Variants in TBC1D20 observed in about 807,000 individuals in gnomAD.
The protein encoded by TBC1D20 is chromosome 20 open reading frame 140.
TBC1D20 carries 12 observed loss-of-function variants against 41.6 expected under a neutral mutation model. The ratio of observed to expected loss-of-function variants is 0.29; its 90% CI spans 0.18 to 0.47. TBC1D20 has a LOEUF of 0.47. Ranked by LOEUF, TBC1D20 falls within the 20% of genes least tolerant of loss-of-function variation. The pLI is 1.00. For synonymous variants in TBC1D20, 205 were observed against 204.8 expected (o/e 1.00, Z -0.01); for missense variants, 421 against 517.4 (o/e 0.81, Z 1.81).
chr20:441,575 G>A lies in TBC1D20; in HGVS notation c.626+13C>T, dbSNP rs375956278. On this transcript the variant is annotated intron_variant, in intron 5 of 7. Transcript: ENST00000354200. ...GTGTATGCATGCACACAGAAATGCAGACACATATGTACCTCTGCATGAAGT... is the reference window on the plus strand; with the variant it reads ...GTGTATGCATGCACACAGAAATGCAAACACATATGTACCTCTGCATGAAGT... 1 of 1,607,314 alleles carries A rather than the reference G, an allele frequency of 6.2e-7. No homozygotes were observed. The highest frequency in any genetic ancestry group is 8.5e-7 in the Non-Finnish European group (1 of 1,174,016).
intron 1 of TBC1D20, among the ~76,000 whole-genome samples, chr20:453,712 A>G (rs1211159863): frequency 7.3e-6 from 1 of 136,980 alleles, no homozygotes; most frequent in Non-Finnish European, 1.6e-5. Flanking sequence ...TGCCTGGCTA[A>G]TTTTTTTTTT....
chr20:447,600 G>A (rs1264308303), intron 2 of TBC1D20, among the ~76,000 whole-genome samples: 3 of 152,166 alleles, frequency 2.0e-5, no homozygotes, highest in African/African-American at 7.2e-5. Context: ...AGAGGTTGCA[G>A]TGAGCTGAGA....
In TBC1D20 at chr20:435,505, A is replaced by G. The variant is rs6695; in HGVS notation, c.*3081T>C. The stretch of plus-strand genomic sequence containing the variant: ...TTATGTTTACCAGTTTATTACAAAC[A>G]TTATTAGAAAAGGATACAAATAAGT... On this transcript the variant is annotated 3_prime_UTR_variant, in exon 8 of 8. Coordinates refer to ENST00000354200, the MANE Select transcript of TBC1D20 (RefSeq NM_144628.4). 112,367 of 153,596 alleles carry G rather than the reference A, an allele frequency of 0.73. 41,394 individuals carry two copies. Among genetic ancestry groups the G allele is most frequent in the Non-Finnish European group, 0.77 (52,516 of 68,024 alleles). The allele number at this position is 153,596 out of a possible 1,614,324, so 9.5% of individuals were successfully genotyped here. A position where few individuals can be genotyped will look rare whatever the true frequency, so the allele number is the denominator to read the frequency against.
chr20:457,348 G>A (rs184339422), intron 1 of TBC1D20, among the ~76,000 whole-genome samples: 26 of 152,218 alleles, frequency 1.7e-4, no homozygotes, highest in East Asian at 5.8e-4. Context: ...GGGCTCAAGC[G>A]ATCCTTCCAC....
At chr20:442,814 T>A (rs559649158) in intron 3 of TBC1D20, among the ~76,000 whole-genome samples, 1 of 152,162 alleles carries the variant, frequency 6.6e-6, no homozygotes, top group South Asian at 2.1e-4. Flanking sequence ...AAAGCAAATG[T>A]AGGCCAGGCG....
chr20:459,140 C>T (rs1383128515), intron 1 of TBC1D20, among the ~76,000 whole-genome samples: 1 of 152,194 alleles, frequency 6.6e-6, no homozygotes, highest in East Asian at 1.9e-4. Flanking sequence ...AGGGAGTTAG[C>T]AGCGTCTCCA....
At chr20:449,279 A>T (rs1404678452) in intron 1 of TBC1D20, among the ~76,000 whole-genome samples, 4 of 73,636 alleles carry the variant, frequency 5.4e-5, no homozygotes, top group African/African-American at 6.9e-5. Context: ...CAGCCTCCCA[A>T]TACATTAAAA....
chr20:443,777 G>GT (rs2122391288), intron 3 of TBC1D20, among the ~76,000 whole-genome samples: 1 of 152,198 alleles, frequency 6.6e-6, no homozygotes, highest in Admixed American at 6.5e-5. Context: ...TACAGAAAGC[G>GT]TATCACAGAT....
Position 439,318 on chromosome 20 carries a change from T to A in TBC1D20, c.769-23A>T, listed in dbSNP as rs752393847. The A allele has an allele frequency of 6.3e-7, 1 of 1,577,980 alleles. No individual in the cohort carries two copies. Among genetic ancestry groups the A allele is most frequent in the Non-Finnish European group, 8.6e-7 (1 of 1,160,694 alleles). ...AATCTGTGGGGAGGTAGTAAAGCCT[T>A]GCAGTCAGAGGCCAGACACACAGGG... On this transcript the variant is annotated intron_variant, in intron 6 of 7. Coordinates refer to ENST00000354200, the MANE Select transcript of TBC1D20 (RefSeq NM_144628.4). This position sits in a 1 kb window ranked among gnomAD's most constrained non-coding sequence, Gnocchi z 4.6.
chr20:439,696 C>A lies in TBC1D20; in HGVS notation c.769-401G>T, dbSNP rs1397783442. On this transcript the variant is annotated intron_variant, in intron 6 of 7. Coordinates refer to ENST00000354200, the MANE Select transcript of TBC1D20 (RefSeq NM_144628.4). The surrounding 1 kb of genome is among the most constrained non-coding windows in gnomAD (Gnocchi z 4.6). The stretch of plus-strand genomic sequence containing the variant: ...AACAGTAGAAAGAACAGTCTTGCTC[C>A]CTTTAAGCATCTTCCTTCTGACTGT... 2.0e-5 allele frequency among the ~76,000 whole-genome samples: 3 copies of A among 152,184 alleles called. No homozygotes were observed. The highest frequency in any genetic ancestry group is 7.2e-5 in the African/African-American group (3 of 41,448).
intron 3 of TBC1D20, 27 bp downstream of exon 3, chr20:445,011 AGTCTTTCCAAAT>A: frequency 6.4e-7 from 1 of 1,556,636 alleles, no homozygotes; most frequent in Non-Finnish European, 8.8e-7. Context: ...GAACAGATAC[AGTCTTTCCAAAT>A]GTGGCAGGAC....
Position 439,574 on chromosome 20 carries a change from C to A in TBC1D20, c.769-279G>T, listed in dbSNP as rs1271384885. ...GGCATGCTGGGCTGCTCAGGTGTCC[C>A]TTTAAGTCTTGAAAGAAATGAAGGA... On this transcript the variant is annotated intron_variant, in intron 6 of 7. Coordinates refer to ENST00000354200, the MANE Select transcript of TBC1D20 (RefSeq NM_144628.4). The surrounding 1 kb of genome is among the most constrained non-coding windows in gnomAD (Gnocchi z 4.6). Among the ~76,000 whole-genome samples the A allele has an allele frequency of 6.6e-6, 1 of 152,192 alleles. No homozygotes were observed. The highest frequency in any genetic ancestry group is 2.4e-5 in the African/African-American group (1 of 41,450).
Position 439,069 on chromosome 20 carries a change from C to G in TBC1D20, c.956+39G>C, listed in dbSNP as rs779890136. ...ACCTTCCCTCGCTTCTGCTCATTTA[C>G]AGCCACCCCCATTCAACCAGTGTCC... is the stretch of plus-strand genomic sequence containing the variant. On this transcript the variant is annotated intron_variant, in intron 7 of 7. Transcript: ENST00000354200. This position sits in a 1 kb window ranked among gnomAD's most constrained non-coding sequence, Gnocchi z 4.6. 1.9e-6 allele frequency: 3 copies of G among 1,578,668 alleles called. No homozygotes were observed. In the Admixed American group the frequency reaches 5.4e-5, roughly 28 times the overall value.
chr20:458,506 A>G (rs1161045369), intron 1 of TBC1D20, among the ~76,000 whole-genome samples: 2 of 151,292 alleles, frequency 1.3e-5, no homozygotes, highest in East Asian at 3.9e-4. Flanking sequence ...TTTTGTAGAG[A>G]AAAAAAGTGT....
At chr20:456,750 G>A (rs530772276) in intron 1 of TBC1D20, among the ~76,000 whole-genome samples, 1 of 150,870 alleles carries the variant, frequency 6.6e-6, no homozygotes, top group Non-Finnish European at 1.5e-5. Context: ...ATTTTTAGTG[G>A]AGACGGGGTT....
chr20:460,386 C>A (rs1014503461), intron 1 of TBC1D20, among the ~76,000 whole-genome samples: 1 of 149,688 alleles, frequency 6.7e-6, no homozygotes, highest in Admixed American at 6.7e-5. Context: ...TGAGCTTTGA[C>A]TGTGACACTG....
intron 2 of TBC1D20, among the ~76,000 whole-genome samples, chr20:446,563 A>G (rs1247189218): frequency 1.3e-5 from 2 of 151,808 alleles, no homozygotes; most frequent in African/African-American, 4.8e-5. Context: ...CTGGTCTCGA[A>G]CTCCTGACCT....
At chr20:461,779 G>T (rs866943644) in intron 1 of TBC1D20, among the ~76,000 whole-genome samples, 1 of 152,238 alleles carries the variant, frequency 6.6e-6, no homozygotes, top group Non-Finnish European at 1.5e-5. Context: ...ATGGGTAAGG[G>T]TTTCGTTTTG....
intron 1 of TBC1D20, among the ~76,000 whole-genome samples, chr20:461,357 A>G (rs540145082): frequency 1.6e-4 from 24 of 152,346 alleles, no homozygotes; most frequent in African/African-American, 5.5e-4. Flanking sequence ...CGCTTTTTAT[A>G]CAATTATTTA....
Sources: gnomAD v4.1 joint callset for allele counts (sites outside exome capture counted in the v4.1 genomes callset) on GRCh38, gnomAD v4.1.1 for gene constraint, Gnocchi (gnomAD v3.1) non-coding constraint, MANE v1.5 for transcripts, NCBI Gene and HGNC (gene_info 2026-07-23, HGNC 2026-07-21) for gene names.